Variants in NOL4 observed in about 807,000 individuals in gnomAD.
NOL4 encodes the protein nucleolar protein 4, also known as cancer/testis antigen 125.
A neutral mutation model predicts 75.9 loss-of-function variants in NOL4; 17 were observed. The observed-to-expected ratio is 0.22, with a 90% CI of 0.15 to 0.34. NOL4 has a LOEUF of 0.34. NOL4 is among the 10% of genes least tolerant of loss of function. NOL4 has a pLI of 1.00. For missense variants in NOL4, 614 were observed against 793.5 expected, an observed-to-expected ratio of 0.77 and a Z score of 2.72; for synonymous variants, 292 against 289.9, an observed-to-expected ratio of 1.01 and a Z score of -0.07.
intron 5 of NOL4, among the ~76,000 whole-genome samples, chr18:34,080,392 T>G (rs2077951637): frequency 6.6e-6 from 1 of 152,168 alleles, no homozygotes; most frequent in South Asian, 2.1e-4. Flanking sequence ...CTGCATATAG[T>G]TCTGGCACAT....
chr18:33,925,349 T>A (rs2067262549), intron 9 of NOL4, among the ~76,000 whole-genome samples: 1 of 152,168 alleles, frequency 6.6e-6, no homozygotes, highest in South Asian at 2.1e-4. Flanking sequence ...TAATTTAATG[T>A]AAAGACCTAT....
chr18:34,139,816 AG>A (rs2081064741), intron 1 of NOL4, among the ~76,000 whole-genome samples: 1 of 152,154 alleles, frequency 6.6e-6, no homozygotes, highest in Non-Finnish European at 1.5e-5. Context: ...GTGGGCATTT[AG>A]TGCTATAAAC....
At chr18:34,219,942 T>C (rs1278271808) in intron 1 of NOL4, among the ~76,000 whole-genome samples, 1 of 152,212 alleles carries the variant, frequency 6.6e-6, no homozygotes, top group Non-Finnish European at 1.5e-5. Flanking sequence ...GTGGCAGATA[T>C]GTCCCCTCAG....
In NOL4 at chr18:33,967,978, T is replaced by TG. The variant is rs1600090938; in HGVS notation, c.1057-9561dup. 3.3e-5 allele frequency among the ~76,000 whole-genome samples: 5 copies of TG among 151,926 alleles called. No homozygotes were observed. The East Asian group carries it at 9.7e-4, about 30-fold the overall frequency. ...GCGGGCACCTCTAGTCCCAGCTACT[T>TG]GGGGGGCTGAGGCAGAAGAATGGCT... On this transcript the variant is annotated intron_variant, in intron 6 of 10. Coordinates refer to ENST00000261592, the MANE Select transcript of NOL4 (RefSeq NM_003787.5).
At chr18:33,978,151 CT>C (rs1419642813) in intron 6 of NOL4, among the ~76,000 whole-genome samples, 1 of 152,126 alleles carries the variant, frequency 6.6e-6, no homozygotes, top group Admixed American at 6.6e-5. Flanking sequence ...CCAAACTGGT[CT>C]TTACCTATCT....
intron 5 of NOL4, among the ~76,000 whole-genome samples, chr18:34,071,325 A>T (rs747487287): frequency 6.6e-6 from 1 of 152,140 alleles, no homozygotes; most frequent in East Asian, 1.9e-4. Context: ...TATAATATAG[A>T]TACATATTGA....
In NOL4 at chr18:34,223,467, A is replaced by C; in HGVS notation, c.-214T>G. On this transcript the variant is annotated 5_prime_UTR_variant, in exon 1 of 11. It removes an upstream start codon present in the reference 5' UTR. Coordinates refer to ENST00000261592, the MANE Select transcript of NOL4 (RefSeq NM_003787.5). ...TGCCCCGTGCTACCAAGTCTGGTCC[A>C]TTCGTAATTGCAACGGCTGTCTCGG... 1.6e-6 allele frequency: 1 copy of C among 619,666 alleles called. No homozygotes were observed. The highest frequency in any genetic ancestry group is 2.8e-6 in the Non-Finnish European group (1 of 360,234). The allele number at this position is 619,666 out of a possible 1,614,324, so 38.4% of individuals were successfully genotyped here.
intron 5 of NOL4, among the ~76,000 whole-genome samples, chr18:34,032,212 C>T (rs1294668368): frequency 2.0e-5 from 3 of 152,200 alleles, no homozygotes; most frequent in Non-Finnish European, 4.4e-5. Context: ...GCACATTCCC[C>T]AGCCACCAGG....
chr18:34,216,107 T>C (rs763161785), intron 1 of NOL4, among the ~76,000 whole-genome samples: 3 of 152,308 alleles, frequency 2.0e-5, no homozygotes, highest in East Asian at 1.9e-4. Context: ...TCAGAAGATA[T>C]ACATTATGTC....
chr18:34,026,732 G>C, intron 5 of NOL4, among the ~76,000 whole-genome samples: 1 of 152,162 alleles, frequency 6.6e-6, no homozygotes, highest in East Asian at 1.9e-4. Flanking sequence ...TGATATACAA[G>C]ATAATTTCAC....
chr18:34,119,757 G>A (rs920354797), intron 2 of NOL4, among the ~76,000 whole-genome samples: 1 of 152,056 alleles, frequency 6.6e-6, no homozygotes, highest in East Asian at 1.9e-4. Flanking sequence ...CAGTAGCTAG[G>A]ACTACAGGCG....
intron 5 of NOL4, among the ~76,000 whole-genome samples, chr18:34,064,945 AC>A (rs1413941911): frequency 0.011 from 662 of 58,988 alleles, 11 homozygotes; most frequent in African/African-American, 0.028. Flanking sequence ...ACACACACAC[AC>A]ACACACATCA....
At chr18:33,977,626 C>G (rs1284808044) in intron 6 of NOL4, among the ~76,000 whole-genome samples, 1 of 152,164 alleles carries the variant, frequency 6.6e-6, no homozygotes, top group Non-Finnish European at 1.5e-5. Context: ...CATCTAGCTT[C>G]AATGCCTACC....
intron 1 of NOL4, among the ~76,000 whole-genome samples, chr18:34,209,648 C>T (rs990535663): frequency 2.0e-5 from 3 of 152,084 alleles, no homozygotes; most frequent in South Asian, 4.1e-4. Context: ...ACTCTGAACT[C>T]AATCAAAACT....
chr18:34,219,788 A>C (rs1160235609), intron 1 of NOL4, among the ~76,000 whole-genome samples: 1 of 152,254 alleles, frequency 6.6e-6, no homozygotes, highest in African/African-American at 2.4e-5. Context: ...AACAAACTGC[A>C]TATGCGCGTG....
chr18:33,963,842 C>T (rs2070353530), intron 6 of NOL4, among the ~76,000 whole-genome samples: 2 of 152,126 alleles, frequency 1.3e-5, no homozygotes, highest in Admixed American at 1.3e-4. Context: ...GGAAACGTGA[C>T]CTGTTTGCTT....
chr18:33,906,936 T>C (rs1398931359), intron 9 of NOL4, among the ~76,000 whole-genome samples: 1 of 152,070 alleles, frequency 6.6e-6, no homozygotes, highest in Admixed American at 6.6e-5. Flanking sequence ...TTATGAAAAA[T>C]GCAATAACAG....
intron 10 of NOL4, among the ~76,000 whole-genome samples, chr18:33,859,117 A>AT (rs1157611286): frequency 6.6e-6 from 1 of 151,532 alleles, no homozygotes; most frequent in Non-Finnish European, 1.5e-5. Context: ...TATTTAATCA[A>AT]TTTTTTCACT....
At chr18:34,162,377 T>C (rs1041741951) in intron 1 of NOL4, among the ~76,000 whole-genome samples, 4 of 152,022 alleles carry the variant, frequency 2.6e-5, no homozygotes, top group Non-Finnish European at 2.9e-5. Flanking sequence ...AAGAATCAAA[T>C]AGACGCAATA....
Sources: gnomAD v4.1 joint callset for allele counts (sites outside exome capture counted in the v4.1 genomes callset) on GRCh38, gnomAD v4.1.1 for gene constraint, MANE v1.5 for transcripts, NCBI Gene and HGNC (gene_info 2026-07-23, HGNC 2026-07-21) for gene names.